The following COL5A1 variants were observed in gnomAD, a reference collection of about 807,000 sequenced individuals.
COL5A1 encodes collagen type V alpha 1 chain.
In COL5A1, 16 loss-of-function variants were observed where a neutral mutation model predicts 263.7. That is an observed-to-expected ratio of 0.06 (90% confidence interval 0.04 to 0.09). The LOEUF is 0.09. Among genes scored for constraint, COL5A1 ranks in the 10% least tolerant of loss-of-function variants. COL5A1 has a pLI of 1.00. For missense variants in COL5A1, 2,036 were observed against 2,540.5 expected, an observed-to-expected ratio of 0.80 and a Z score of 4.27; for synonymous variants, 1,012 against 1,004.5, an observed-to-expected ratio of 1.01 and a Z score of -0.14.
rs936921384 is a variant in COL5A1 at position 134,783,463 on chromosome 9, G to A, written c.2484+743G>A. On this transcript the variant is annotated intron_variant, in intron 29 of 65. Coordinates refer to ENST00000371817, the MANE Select transcript of COL5A1 (RefSeq NM_000093.5). Reference sequence around the variant, plus strand: ...AGGGAGCTCTTAGAGCAGCCAGGGTGGCCAAAAGACTCTTGGAGGTTTCCC... The same window carrying A: ...AGGGAGCTCTTAGAGCAGCCAGGGTAGCCAAAAGACTCTTGGAGGTTTCCC... 5.9e-5 allele frequency among the ~76,000 whole-genome samples: 9 copies of A among 152,166 alleles called. No homozygotes were observed. In the South Asian group the frequency reaches 8.3e-4, roughly 14 times the overall value.
intron 42 of COL5A1, 57 bp from the exon 43 acceptor site, chr9:134,809,126 G>A: frequency 7.2e-7 from 1 of 1,382,750 alleles, no homozygotes; most frequent in Non-Finnish European, 1.0e-6. Context: ...ATGAGCTGGT[G>A]GGGGGATGTT....
At chr9:134,779,859 G>A (rs1837187280) in intron 27 of COL5A1, among the ~76,000 whole-genome samples, 1 of 152,194 alleles carries the variant, frequency 6.6e-6, no homozygotes, top group Non-Finnish European at 1.5e-5. Flanking sequence ...GGGCTGGAAG[G>A]TGGGGGATGG....
chr9:134,817,223 C>T lies in COL5A1; in HGVS notation c.4176+144C>T, dbSNP rs1378245580. On this transcript the variant is annotated intron_variant, in intron 53 of 65. Coordinates refer to ENST00000371817, the MANE Select transcript of COL5A1 (RefSeq NM_000093.5). ...CGGGTGTGGCATGTTCTCCACTTAG[C>T]CTCGGCCACATCATCACCTAATCAC... The T allele has an allele frequency of 6.8e-6, 5 of 740,336 alleles. No homozygotes were observed. The African/African-American group carries it at 6.9e-5, about 10-fold the overall frequency. The allele number at this position is 740,336 out of a possible 1,614,324, so 45.9% of individuals were successfully genotyped here. A position where few individuals can be genotyped will look rare whatever the true frequency, so the allele number is the denominator to read the frequency against.
chr9:134,795,290 G>A lies in COL5A1; in HGVS notation c.2774G>A (p.Gly925Asp). 2 of 1,613,812 alleles carry A rather than the reference G, an allele frequency of 1.2e-6. No homozygotes were observed. Residue 925 changes from glycine to aspartate, a missense_variant, in exon 34 of 66, where the codon GGC becomes GAC. Gly to Asp is a moderately conservative substitution (Grantham distance 94). Around this residue, in one of 3 missense-constraint regions of COL5A1, gnomAD observed 1,078 missense variants for 1,521.4 expected, o/e 0.71. Transcript: ENST00000371817. ...TGPRGERGPR[G>D]ITGKPGPKGN... ...CCGAGGGGTGAAAGAGGCCCCCGGG[G>A]CATCACTGGGAAGCCTGGCCCCAAG... is the stretch of plus-strand genomic sequence containing the variant.
rs745370910 is a variant in COL5A1 at position 134,780,106 on chromosome 9, C to T, written c.2390C>T (p.Ala797Val). Residue 797 changes from alanine to valine, a missense_variant, in exon 28 of 66, where the codon GCC becomes GTC. Physicochemically the swap from Ala to Val is moderately conservative, Grantham distance 64 (BLOSUM62 0). Transcript: ENST00000371817. Reference sequence around the variant, plus strand: ...TTTCTTTTCCCACCCGCACAGGGGGCCGATGGCATCCGTGGTCTGAAGGGC... The same window carrying T: ...TTTCTTTTCCCACCCGCACAGGGGGTCGATGGCATCCGTGGTCTGAAGGGC... ...GYPGPRGVKG[A>V]DGIRGLKGTK... 29 of 1,613,354 alleles carry T rather than the reference C, an allele frequency of 1.8e-5. No homozygotes were observed. Among genetic ancestry groups the T allele is most frequent in the Non-Finnish European group, 2.3e-5 (27 of 1,180,036 alleles).
At chr9:134,740,747 G>A (rs146376107) in intron 11 of COL5A1, among the ~76,000 whole-genome samples, 34 of 152,260 alleles carry the variant, frequency 2.2e-4, no homozygotes, top group South Asian at 4.1e-4. Context: ...GGGAGTCACT[G>A]GTGGGTGGCC....
At chr9:134,710,722 G>C (rs1201874025) in intron 4 of COL5A1, among the ~76,000 whole-genome samples, 1 of 134,948 alleles carries the variant, frequency 7.4e-6, no homozygotes, top group African/African-American at 2.9e-5. Context: ...TGGGGGAGGA[G>C]CCCTATTTGT....
chr9:134,782,854 G>T lies in COL5A1; in HGVS notation c.2484+134G>T. The T allele has an allele frequency of 4.4e-6, 4 of 902,212 alleles. No homozygotes were observed. The East Asian group carries it at 7.2e-5, about 16-fold the overall frequency. The allele number at this position is 902,212 out of a possible 1,614,324, so 55.9% of individuals were successfully genotyped here. A position where few individuals can be genotyped will look rare whatever the true frequency, so the allele number is the denominator to read the frequency against. ...TAAACTCTTGGTAGAGATTCCTGGT[G>T]GGAAGGGGACAGTGGCGTGGAGCCC... On this transcript the variant is annotated intron_variant, in intron 29 of 65. Transcript: ENST00000371817.
At chr9:134,744,438 C>G (rs560051743) in intron 11 of COL5A1, among the ~76,000 whole-genome samples, 1 of 152,086 alleles carries the variant, frequency 6.6e-6, no homozygotes, top group Non-Finnish European at 1.5e-5. Context: ...CACGCACACA[C>G]TCATGTGTAC....
chr9:134,738,915 G>A, intron 11 of COL5A1, 107 bp downstream of exon 11: 1 of 908,056 alleles, frequency 1.1e-6, no homozygotes, highest in Admixed American at 1.8e-5. Flanking sequence ...GTGACCCAGA[G>A]GCTTGTGTCT....
chr9:134,797,958 C>T (rs969960414), intron 36 of COL5A1, among the ~76,000 whole-genome samples: 5 of 152,204 alleles, frequency 3.3e-5, no homozygotes, highest in African/African-American at 4.8e-5. Context: ...GGACACACGT[C>T]GCCTTATGGC....
chr9:134,841,659 G>C lies in COL5A1; in HGVS notation c.5371-498G>C, dbSNP rs1244945215. ...GGCAGTGTGTGGCAGGTGGTCGTAG[G>C]GGGGTCTTACTTGGCTCAAGGCTCT... On this transcript the variant is annotated intron_variant, in intron 65 of 65. Transcript: ENST00000371817. The surrounding 1 kb of genome is among the most constrained non-coding windows in gnomAD (Gnocchi z 4.8). 6.6e-6 allele frequency among the ~76,000 whole-genome samples: 1 copy of C among 152,100 alleles called. No individual in the cohort carries two copies. The highest frequency in any genetic ancestry group is 1.5e-5 in the Non-Finnish European group (1 of 68,014).
chr9:134,725,060 G>GCCCTGC (rs1834597561), intron 4 of COL5A1, among the ~76,000 whole-genome samples: 1 of 152,312 alleles, frequency 6.6e-6, no homozygotes, highest in African/African-American at 2.4e-5. Context: ...TCAGCACCTG[G>GCCCTGC]CCCTGCCCCA....
At chr9:134,731,964 C>G (rs1006224261) in intron 8 of COL5A1, 107 bp from the exon 9 acceptor site, 8 of 1,307,636 alleles carry the variant, frequency 6.1e-6, no homozygotes, top group Admixed American at 1.7e-5. Flanking sequence ...TGCCCAGCTA[C>G]GATAGTGCCC....
chr9:134,781,035 T>A (rs1374158169), intron 28 of COL5A1, among the ~76,000 whole-genome samples: 1 of 152,188 alleles, frequency 6.6e-6, no homozygotes, highest in Non-Finnish European at 1.5e-5. Context: ...GGAGTGCGGG[T>A]GCTGGCGTGA....
Position 134,730,392 on chromosome 9 carries a change from G to A in COL5A1, c.1081G>A (p.Glu361Lys), listed in dbSNP as rs1834836876. Residue 361 changes from glutamate (E) to lysine (K), a missense_variant, in exon 7 of 66, where the codon GAG (glutamate) becomes AAG (lysine). Coordinates refer to ENST00000371817, the MANE Select transcript of COL5A1 (RefSeq NM_000093.5). ...PYDDLTYGEG[E>K]ENPDQPTDPG... The stretch of plus-strand genomic sequence containing the variant: ...TGATGACCTCACCTATGGCGAGGGG[G>A]AGGAGAACCCCGACCAGCCCACAGA... 2.5e-6 allele frequency: 4 copies of A among 1,614,222 alleles called. No individual in the cohort carries two copies. The highest frequency in any genetic ancestry group is 1.6e-4 in the Middle Eastern group (1 of 6,062).
chr9:134,803,003 T>G lies in COL5A1; in HGVS notation c.3114+8T>G. 6.3e-7 allele frequency: 1 copy of G among 1,579,076 alleles called. No homozygotes were observed. The highest frequency in any genetic ancestry group is 1.1e-5 in the South Asian group (1 of 87,082). ...GGAAAAGAAGGGACGAAGGTGAGTT[T>G]CTGGAGCCTTCTGTGTCAGCTCAGG... On this transcript the variant is annotated splice_region_variant and intron_variant, in intron 39 of 65. Coordinates refer to ENST00000371817, the MANE Select transcript of COL5A1 (RefSeq NM_000093.5).
At chr9:134,693,305 G>C (rs7866155) in intron 2 of COL5A1, among the ~76,000 whole-genome samples, 26,853 of 152,124 alleles carry the variant, frequency 0.18, 2,906 homozygotes, top group Admixed American at 0.22. Context: ...CCTGGGCAAC[G>C]GAGTGAGTGA....
chr9:134,801,422 G>A (rs76291462), intron 37 of COL5A1, among the ~76,000 whole-genome samples: 1,886 of 152,334 alleles, frequency 0.012, 19 homozygotes, highest in African/African-American at 0.037. Context: ...TGATAAAGGC[G>A]AATCGCGTCG....
Sources: gnomAD v4.1 joint callset for allele counts (sites outside exome capture counted in the v4.1 genomes callset) on GRCh38, gnomAD v4.1.1 for gene constraint, gnomAD v4.1.1 regional missense constraint, Gnocchi (gnomAD v3.1) non-coding constraint, MANE v1.5 for transcripts, NCBI Gene and HGNC (gene_info 2026-07-23, HGNC 2026-07-21) for gene names.